Variants in MMRN1 observed in about 807,000 individuals in gnomAD.
The protein encoded by MMRN1 is multimerin 1.
Under a neutral mutation model 100.7 loss-of-function variants are expected in MMRN1, and 94 were observed. The observed-to-expected ratio is 0.93, with a 90% confidence interval of 0.79 to 1.11. The LOEUF (loss-of-function observed/expected upper bound fraction) is 1.11. Ranked by LOEUF, MMRN1 falls within the 50% of genes least tolerant of loss-of-function variation. The pLI, the probability that MMRN1 is intolerant of heterozygous loss-of-function variation, is 0.00. For missense variants in MMRN1, 1,606 were observed against 1,439.1 expected (o/e 1.12, Z -1.88); for synonymous variants, 575 against 505.0 (o/e 1.14, Z -1.86).
intron 3 of MMRN1, 80 bp from the exon 4 acceptor site, chr4:89,923,088 C>A (rs1475216689): frequency 3.5e-6 from 4 of 1,143,412 alleles, no homozygotes; most frequent in South Asian, 2.7e-5. Flanking sequence ...TGAATGTCAG[C>A]CAAATTATTG....
At chr4:89,949,136 C>T (rs1723081064) in intron 6 of MMRN1, among the ~76,000 whole-genome samples, 1 of 152,140 alleles carries the variant, frequency 6.6e-6, no homozygotes, top group South Asian at 2.1e-4. Flanking sequence ...CAGGCAGAAT[C>T]CTTGATCCTG....
Position 89,895,493 on chromosome 4 carries a change from G to A in MMRN1, c.522G>A (p.Val174=). The change falls in exon 1 of 8, where the codon GTG becomes GTA. Residue 174 remains valine (V), a synonymous_variant. Transcript: ENST00000264790. ...GIGGVGGTGG[V]GNRAPRETYL... ...GAGGCGTTGGAGGCACTGGAGGCGTGGGAAATCGAGCCCCACGGGAAACAT... is the reference window on the plus strand; with the variant it reads ...GAGGCGTTGGAGGCACTGGAGGCGTAGGAAATCGAGCCCCACGGGAAACAT... 1 of 1,613,794 alleles carries A rather than the reference G, an allele frequency of 6.2e-7. No homozygotes were observed. The highest frequency in any genetic ancestry group is 8.5e-7 in the Non-Finnish European group (1 of 1,179,900).
At chr4:89,882,737 C>A (rs925213834) in intron 1 of MMRN1, among the ~76,000 whole-genome samples, 2 of 151,844 alleles carry the variant, frequency 1.3e-5, no homozygotes, top group Non-Finnish European at 2.9e-5. Flanking sequence ...TCATTAAATT[C>A]TTTTCTTTCA....
chr4:89,951,130 C>G (rs1427604124), intron 6 of MMRN1, among the ~76,000 whole-genome samples: 1 of 151,924 alleles, frequency 6.6e-6, no homozygotes, highest in South Asian at 2.1e-4. Context: ...AAGATATTCT[C>G]CTTTTTTGTT....
intron 1 of MMRN1, among the ~76,000 whole-genome samples, chr4:89,886,991 C>T (rs533563110): frequency 6.8e-4 from 103 of 152,170 alleles, no homozygotes; most frequent in African/African-American, 2.4e-3. Flanking sequence ...AATAACCAAC[C>T]TTTCTTTATC....
At chr4:89,894,666 A>G (rs1345575219), upstream of MMRN1, 2 of 228,794 alleles carry the variant, frequency 8.7e-6, no homozygotes, top group Non-Finnish European at 1.7e-5. Context: ...AAGTTACTTC[A>G]TATTTTTTCA....
Position 89,954,510 on chromosome 4 carries a change from A to G in MMRN1, c.*1092A>G, listed in dbSNP as rs1012087916. 3 of 152,150 alleles carry G rather than the reference A, an allele frequency of 2.0e-5. No homozygotes were observed. The highest frequency in any genetic ancestry group is 4.8e-5 in the African/African-American group (2 of 41,442). 9.4% of individuals were successfully genotyped at this position (152,150 alleles called of 1,614,324 possible). ...TTGTCTCCCATTTTTTATTATTACA[A>G]TATTACTGTGGTGAACATGCTTAAA... On this transcript the variant is annotated 3_prime_UTR_variant, in exon 8 of 8. Transcript: ENST00000264790.
At chr4:89,921,380 T>G (rs1216243134) in intron 3 of MMRN1, among the ~76,000 whole-genome samples, 1 of 152,174 alleles carries the variant, frequency 6.6e-6, no homozygotes, top group Admixed American at 6.5e-5. Flanking sequence ...GACCCCAGTC[T>G]GAGAACCATT....
intron 1 of MMRN1, among the ~76,000 whole-genome samples, chr4:89,908,973 A>G: frequency 6.6e-6 from 1 of 151,440 alleles, no homozygotes; most frequent in East Asian, 1.9e-4. Flanking sequence ...AATATTTGCT[A>G]CAAGAGCATT....
At chr4:89,909,181 T>C (rs1721661709) in intron 1 of MMRN1, 95 bp from the exon 2 acceptor site, 3 of 1,328,552 alleles carry the variant, frequency 2.3e-6, no homozygotes, top group East Asian at 2.3e-5. Context: ...ATCTATAGTA[T>C]GGCAAAAATA....
intron 3 of MMRN1, among the ~76,000 whole-genome samples, chr4:89,913,806 T>A (rs973090217): frequency 7.9e-5 from 12 of 151,346 alleles, no homozygotes; most frequent in Non-Finnish European, 1.6e-4. Context: ...GAACCACTCA[T>A]AATTCAGGTA....
At chr4:89,914,679 G>A (rs1160962540) in intron 3 of MMRN1, among the ~76,000 whole-genome samples, 1 of 151,368 alleles carries the variant, frequency 6.6e-6, no homozygotes, top group East Asian at 1.9e-4. Flanking sequence ...CAAGGGTTTT[G>A]CCTTTAGAAA....
At chr4:89,931,221 A>G (rs1031806749) in intron 5 of MMRN1, among the ~76,000 whole-genome samples, 4 of 152,118 alleles carry the variant, frequency 2.6e-5, no homozygotes, top group Admixed American at 2.6e-4. Context: ...ATCCATCTAA[A>G]TTTTCATATT....
At chr4:89,920,774 A>C (rs1458016538) in intron 3 of MMRN1, among the ~76,000 whole-genome samples, 1 of 152,018 alleles carries the variant, frequency 6.6e-6, no homozygotes, top group Non-Finnish European at 1.5e-5. Context: ...GTTCCTAACC[A>C]GGGCCATATA....
chr4:89,932,382 G>A lies in MMRN1; in HGVS notation c.1130-2428G>A, dbSNP rs146247376. Among the ~76,000 whole-genome samples, 1,340 of 152,252 alleles carry A rather than the reference G, an allele frequency of 8.8e-3. 19 individuals are homozygous for A. The highest frequency in any genetic ancestry group is 0.029 in the African/African-American group (1,201 of 41,550). On this transcript the variant is annotated intron_variant, in intron 5 of 7. Coordinates refer to ENST00000264790, the MANE Select transcript of MMRN1 (RefSeq NM_007351.3). ...CTTTTTCTCATGCACAGTGCAAGCT[G>A]TCAGTGAATCTACCATTCTGGGGTC...
At chr4:89,905,632 C>G (rs1220175568) in intron 1 of MMRN1, among the ~76,000 whole-genome samples, 1 of 151,482 alleles carries the variant, frequency 6.6e-6, no homozygotes, top group Non-Finnish European at 1.5e-5. Flanking sequence ...TTTTCAGAAG[C>G]AGCTATGTCT....
Position 89,953,147 on chromosome 4 carries a change from T to C in MMRN1, c.3416T>C (p.Ile1139Thr), listed in dbSNP as rs774478539. The C allele has an allele frequency of 1.2e-6, 2 of 1,613,744 alleles. No individual in the cohort carries two copies. Among genetic ancestry groups the C allele is most frequent in the South Asian group, 2.2e-5 (2 of 91,078 alleles). ...ACCCCAAGAACTGGAAAATTTAGAA[T>C]TCCGTATCTTGGAGTATATGTTTTC... The part of the protein sequence containing the change: ...SYTPRTGKFR[I>T]PYLGVYVFKY... Residue 1139 changes from isoleucine (I) to threonine (T), a missense_variant, in exon 8 of 8, where the codon ATT (isoleucine) becomes ACT (threonine). Physicochemically the swap from Ile to Thr is moderately conservative, Grantham distance 89. Coordinates refer to ENST00000264790, the MANE Select transcript of MMRN1 (RefSeq NM_007351.3).
In MMRN1 at chr4:89,939,924, A is replaced by C. The variant is rs140784539; in HGVS notation, c.3118+3126A>C. On this transcript the variant is annotated intron_variant, in intron 6 of 7. Coordinates refer to ENST00000264790, the MANE Select transcript of MMRN1 (RefSeq NM_007351.3). ...TGGGTACTTATTGAAAGTCACCATCAGATAGTCACAAGATCTTCCTTTGAC... is the reference window on the plus strand; with the variant it reads ...TGGGTACTTATTGAAAGTCACCATCCGATAGTCACAAGATCTTCCTTTGAC... Among the ~76,000 whole-genome samples the C allele has an allele frequency of 6.3e-3, 963 of 152,264 alleles. 15 individuals carry two copies. Among genetic ancestry groups the C allele is most frequent in the African/African-American group, 0.022 (928 of 41,566 alleles).
chr4:89,935,814 G>A lies in MMRN1; in HGVS notation c.2134G>A (p.Ala712Thr). The A allele has an allele frequency of 7.4e-6, 12 of 1,613,272 alleles. No homozygotes were observed. Among genetic ancestry groups the A allele is most frequent in the Non-Finnish European group, 1.0e-5 (12 of 1,179,620 alleles). ...AAATGAAGTACAGGGTCGTGATGATGCCTTAGAAAGACGTATCAATGAATA... is the reference window on the plus strand; with the variant it reads ...AAATGAAGTACAGGGTCGTGATGATACCTTAGAAAGACGTATCAATGAATA... Reference protein sequence around the residue: ...LRNEVQGRDDALERRINEYAL... With the variant: ...LRNEVQGRDDTLERRINEYAL... Residue 712 changes from alanine to threonine, a missense_variant, in exon 6 of 8, where the codon GCC (alanine) becomes ACC (threonine). By Grantham distance (58) the Ala-to-Thr change is moderately conservative. Transcript: ENST00000264790.
Sources: allele counts gnomAD v4.1 joint callset (sites outside exome capture counted in the v4.1 genomes callset), GRCh38; gene constraint gnomAD v4.1.1; transcripts MANE v1.5; gene names NCBI Gene and HGNC (gene_info 2026-07-23, HGNC 2026-07-21).